TADA3: variants seen among roughly 807,000 people sequenced by gnomAD.
The protein encoded by TADA3 is transcriptional adapter 3.
Under a neutral mutation model 43.2 loss-of-function variants are expected in TADA3, and 25 were observed. The observed-to-expected ratio is 0.58, with a 90% CI of 0.42 to 0.81. TADA3 has a LOEUF of 0.81. Ranked by LOEUF, TADA3 falls within the 30% of genes least tolerant of loss-of-function variation. TADA3 has a pLI of 0.00. For synonymous variants in TADA3, 235 were observed against 225.5 expected (o/e 1.04, Z -0.38); for missense variants, 441 against 567.8 (o/e 0.78, Z 2.27).
chr3:9,789,737 A>G lies in TADA3; in HGVS notation c.434T>C (p.Ile145Thr). ...CCTGTTGGGGGCATCATTTTTGGGG[A>G]TCCGTGGCACGTCGATAGGGTCATC... The part of the protein sequence containing the change: ...FTDDPIDVPR[I>T]PKNDAPNRFW... The change falls in exon 3 of 9, where the codon ATC becomes ACC. Residue 145 changes from isoleucine (I) to threonine (T), a missense_variant. Transcript: ENST00000301964. 6.2e-7 allele frequency: 1 copy of G among 1,613,482 alleles called. No homozygotes were observed. Among genetic ancestry groups the G allele is most frequent in the East Asian group, 2.2e-5 (1 of 44,860 alleles).
intron 2 of TADA3, among the ~76,000 whole-genome samples, chr3:9,790,302 A>T (rs2078701481): frequency 6.6e-6 from 1 of 152,234 alleles, no homozygotes; most frequent in Admixed American, 6.5e-5. Context: ...GCCTTCTCTC[A>T]ATCAGTTACC....
intron 8 of TADA3, among the ~76,000 whole-genome samples, chr3:9,782,856 G>A (rs985878492): frequency 1.3e-5 from 2 of 151,012 alleles, no homozygotes; most frequent in African/African-American, 2.4e-5. Context: ...ATGAAGTTAA[G>A]ACACAGCACT....
At chr3:9,784,787 C>T (rs1301954219) in intron 7 of TADA3, among the ~76,000 whole-genome samples, 1 of 151,686 alleles carries the variant, frequency 6.6e-6, no homozygotes, top group Non-Finnish European at 1.5e-5. Context: ...TCGCTTGAAC[C>T]TGGGAGGCGG....
At chr3:9,783,929 C>A in intron 8 of TADA3, 99 bp downstream of exon 8, 3 of 1,441,190 alleles carry the variant, frequency 2.1e-6, no homozygotes, top group Non-Finnish European at 2.7e-6. Flanking sequence ...AGAGGCCAGC[C>A]AGGATTGGAA....
chr3:9,784,251 G>C (rs772243213), intron 7 of TADA3, 38 bp from the exon 8 acceptor site: 1 of 1,582,810 alleles, frequency 6.3e-7, no homozygotes, highest in Admixed American at 1.7e-5. Flanking sequence ...TCAAGAGCCA[G>C]CTTGGAGAAG....
At chr3:9,792,824 G>A, upstream of TADA3, 1 of 1,357,190 alleles carries the variant, frequency 7.4e-7, no homozygotes, top group East Asian at 3.0e-5. Context: ...TTGCATACCT[G>A]GGGGAGGCTG....
At chr3:9,789,175 G>C (rs1187553851) in intron 4 of TADA3, among the ~76,000 whole-genome samples, 1 of 152,196 alleles carries the variant, frequency 6.6e-6, no homozygotes, top group Non-Finnish European at 1.5e-5. Flanking sequence ...GGTTCCTCCA[G>C]AGGCCTCGAA....
chr3:9,781,297 A>T (rs1028510841), intron 8 of TADA3, among the ~76,000 whole-genome samples: 5 of 152,086 alleles, frequency 3.3e-5, no homozygotes, highest in Non-Finnish European at 7.3e-5. Flanking sequence ...ATATATATAT[A>T]CATACACACA....
At chr3:9,784,322 G>A in intron 7 of TADA3, 109 bp from the exon 8 acceptor site, 1 of 1,401,986 alleles carries the variant, frequency 7.1e-7, no homozygotes. Context: ...TTTCCCTTTG[G>A]GCACCCCCTC....
chr3:9,790,041 G>T, intron 2 of TADA3, 78 bp from the exon 3 acceptor site: 1 of 1,480,266 alleles, frequency 6.8e-7, no homozygotes. Context: ...AATAAATTAG[G>T]ATCTAGAATC....
At chr3:9,787,628 T>A (rs1161100998) in intron 4 of TADA3, 1 of 1,279,780 alleles carries the variant, frequency 7.8e-7, no homozygotes, top group Non-Finnish European at 1.1e-6. Flanking sequence ...GTCACAGCAA[T>A]TGCCTCTCGA....
At chr3:9,792,733 G>C (rs1009670782), upstream of TADA3, 2 of 1,240,260 alleles carry the variant, frequency 1.6e-6, no homozygotes, top group South Asian at 3.6e-5. Flanking sequence ...AAGGATGGGG[G>C]TACAGAACCG....
chr3:9,792,669 C>T (rs2078768289), upstream of TADA3: 1 of 1,232,728 alleles, frequency 8.1e-7, no homozygotes, highest in Non-Finnish European at 1.0e-6. Context: ...GAGATCTCCG[C>T]GCTGCAGTTA....
chr3:9,783,296 A>G (rs2125618773), intron 8 of TADA3: 1 of 152,294 alleles, frequency 6.6e-6, no homozygotes, highest in Non-Finnish European at 1.5e-5. Context: ...TGTACACTTA[A>G]AAATGGTTAA....
At position 9,787,124 on chromosome 3, in the gene TADA3, G is replaced by T; in HGVS notation, c.707-15C>A. On this transcript the variant is annotated splice_polypyrimidine_tract_variant and intron_variant, in intron 5 of 8. Coordinates refer to ENST00000301964, the MANE Select transcript of TADA3 (RefSeq NM_006354.5). Reference sequence around the variant, plus strand: ...GGCATCCACATCTAAGCGGGCACAGGAAAGGAGGGGAGGTGGGCTGAAGTT... The same window carrying T: ...GGCATCCACATCTAAGCGGGCACAGTAAAGGAGGGGAGGTGGGCTGAAGTT... The T allele has an allele frequency of 6.2e-7, 1 of 1,614,212 alleles. No individual in the cohort carries two copies. The highest frequency in any genetic ancestry group is 8.5e-7 in the Non-Finnish European group (1 of 1,180,044).
Position 9,789,837 on chromosome 3 carries a change from G to A in TADA3, c.334C>T (p.His112Tyr). Residue 112 changes from histidine to tyrosine, a missense_variant, in exon 3 of 9, where the codon CAT (histidine) becomes TAT (tyrosine). Coordinates refer to ENST00000301964, the MANE Select transcript of TADA3 (RefSeq NM_006354.5). ...CGTCCTGGGCCAGGGCCCGGCCCAT[G>A]TCCTGCCTTCCCTTCCAGTTTCTGC... The part of the protein sequence containing the change: ...KKQKLEGKAG[H>Y]GPGPGPGRPK... 6.2e-7 allele frequency: 1 copy of A among 1,614,260 alleles called. No homozygotes were observed. Among genetic ancestry groups the A allele is most frequent in the Non-Finnish European group, 8.5e-7 (1 of 1,180,046 alleles).
chr3:9,792,150 G>T (rs1166951086), intron 1 of TADA3, 66 bp downstream of exon 1: 1 of 152,426 alleles, frequency 6.6e-6, no homozygotes, highest in African/African-American at 2.4e-5. Flanking sequence ...GGGGACAAAA[G>T]AAGTCTCGGT....
At chr3:9,792,972 G>A (rs1005777087), upstream of TADA3, 6 of 1,423,208 alleles carry the variant, frequency 4.2e-6, no homozygotes, top group Admixed American at 3.0e-5. Flanking sequence ...AGGCCCAAGC[G>A]TTCGTAAGGG....
intron 6 of TADA3, 84 bp downstream of exon 6, chr3:9,786,922 G>A: frequency 7.7e-7 from 1 of 1,290,886 alleles, no homozygotes; most frequent in Non-Finnish European, 1.1e-6. Context: ...CCTAATAAAT[G>A]TATGATAAAT....
Sources: gnomAD v4.1 joint callset for allele counts (sites outside exome capture counted in the v4.1 genomes callset) on GRCh38, gnomAD v4.1.1 for gene constraint, MANE v1.5 for transcripts, NCBI Gene and HGNC (gene_info 2026-07-23, HGNC 2026-07-21) for gene names.